Variants in DCBLD2 observed in about 807,000 individuals in gnomAD.
The protein encoded by DCBLD2 is discoidin, CUB and LCCL domain-containing protein 2.
DCBLD2 carries 54 observed loss-of-function variants against 86.8 expected under a neutral mutation model. That is an observed-to-expected ratio of 0.62 (90% CI 0.50 to 0.78). The LOEUF (loss-of-function observed/expected upper bound fraction) is 0.78. Among genes scored for constraint, DCBLD2 ranks in the 30% least tolerant of loss-of-function variants. DCBLD2 has a pLI of 0.00. For missense variants in DCBLD2, 908 were observed against 954.2 expected (o/e 0.95, Z 0.64); for synonymous variants, 354 against 341.3 (o/e 1.04, Z -0.41).
At chr3:98,856,749 G>A (rs906760472) in intron 2 of DCBLD2, among the ~76,000 whole-genome samples, 3 of 151,702 alleles carry the variant, frequency 2.0e-5, no homozygotes, top group African/African-American at 7.3e-5. Flanking sequence ...ATAAGAAAAA[G>A]ACAAAAGTAT....
intron 9 of DCBLD2, 89 bp downstream of exon 9, chr3:98,817,680 C>T: frequency 7.5e-7 from 1 of 1,327,324 alleles, no homozygotes; most frequent in South Asian, 1.3e-5. Flanking sequence ...TTCTAAACTT[C>T]TACATCTCTT....
chr3:98,837,093 G>A (rs1179116053), intron 3 of DCBLD2, among the ~76,000 whole-genome samples: 41 of 8,662 alleles, frequency 4.7e-3, no homozygotes, highest in Non-Finnish European at 5.3e-3. Context: ...CTGGCCGGGC[G>A]GGGGGCCGAC....
intron 2 of DCBLD2, among the ~76,000 whole-genome samples, chr3:98,853,258 G>T (rs1041972643): frequency 3.3e-5 from 5 of 152,180 alleles, no homozygotes; most frequent in Non-Finnish European, 5.9e-5. Flanking sequence ...TTTAAATTAG[G>T]TGTTAAAGTT....
At position 98,822,292 on chromosome 3, in the gene DCBLD2, C is replaced by A. The variant is rs1200923152; in HGVS notation, c.766G>T (p.Val256Phe). The change falls in exon 6 of 16, where the codon GTT becomes TTT. Residue 256 changes from valine (V) to phenylalanine (F), a missense_variant. Coordinates refer to ENST00000326840, the MANE Select transcript of DCBLD2 (RefSeq NM_080927.4). Reference protein sequence around the residue: ...VSNTLGGQISVVISKGIPYYE... With the variant: ...VSNTLGGQISFVISKGIPYYE... ...TAGGGGATACCTTTACTAATTACAA[C>A]ACTGATTTGGCCGCCCAACGTGTTT... is the stretch of plus-strand genomic sequence containing the variant. The A allele has an allele frequency of 6.2e-7, 1 of 1,613,838 alleles. No homozygotes were observed. Among genetic ancestry groups the A allele is most frequent in the Admixed American group, 1.7e-5 (1 of 59,980 alleles).
intron 1 of DCBLD2, among the ~76,000 whole-genome samples, chr3:98,891,874 CT>C (rs1943667469): frequency 6.6e-6 from 1 of 152,084 alleles, no homozygotes; most frequent in Non-Finnish European, 1.5e-5. Flanking sequence ...CCTGGTGTTT[CT>C]CCCTATTTCC....
chr3:98,832,824 C>T (rs928766143), intron 3 of DCBLD2, among the ~76,000 whole-genome samples: 7 of 152,116 alleles, frequency 4.6e-5, no homozygotes, highest in African/African-American at 1.7e-4. Flanking sequence ...GATGGGGTTC[C>T]CTTTGTTGGT....
At chr3:98,873,168 G>A (rs1304410965) in intron 2 of DCBLD2, among the ~76,000 whole-genome samples, 1 of 152,000 alleles carries the variant, frequency 6.6e-6, no homozygotes, top group Non-Finnish European at 1.5e-5. Flanking sequence ...TTAAAATGGA[G>A]ATATTAGAAT....
chr3:98,898,252 A>G (rs905620584), intron 1 of DCBLD2, among the ~76,000 whole-genome samples: 11 of 151,872 alleles, frequency 7.2e-5, no homozygotes, highest in African/African-American at 2.7e-4. Context: ...GGAGCCAAAT[A>G]AAAAGAAAGG....
At chr3:98,898,429 G>GA (rs1253982320) in intron 1 of DCBLD2, among the ~76,000 whole-genome samples, 3 of 148,834 alleles carry the variant, frequency 2.0e-5, no homozygotes, top group African/African-American at 5.0e-5. Context: ...GTCAAATAAA[G>GA]AAAAAAAATC....
chr3:98,829,115 A>G (rs1408069640), intron 3 of DCBLD2, among the ~76,000 whole-genome samples: 2 of 152,210 alleles, frequency 1.3e-5, no homozygotes, highest in Non-Finnish European at 2.9e-5. Context: ...AACTCTAAAT[A>G]CACTGAAAAA....
At chr3:98,838,336 G>A (rs1188442991) in intron 3 of DCBLD2, among the ~76,000 whole-genome samples, 305 of 75,018 alleles carry the variant, frequency 4.1e-3, no homozygotes, top group South Asian at 8.4e-3. Context: ...CAGACGGGGC[G>A]GCCGGGCAGA....
At chr3:98,820,318 TA>T in intron 6 of DCBLD2, 30 bp from the exon 7 acceptor site, 1 of 1,438,742 alleles carries the variant, frequency 7.0e-7, no homozygotes, top group Non-Finnish European at 9.2e-7. Context: ...TTTTTGGTGA[TA>T]CTCACATAAC....
chr3:98,861,358 G>A (rs1487699190), intron 2 of DCBLD2, among the ~76,000 whole-genome samples: 2 of 152,148 alleles, frequency 1.3e-5, no homozygotes, highest in Non-Finnish European at 2.9e-5. Flanking sequence ...ATTGAACTTA[G>A]CTCTGCACCA....
intron 2 of DCBLD2, among the ~76,000 whole-genome samples, chr3:98,869,474 T>C (rs1007520203): frequency 6.6e-6 from 1 of 152,204 alleles, no homozygotes; most frequent in Non-Finnish European, 1.5e-5. Flanking sequence ...TTTTGTTGCA[T>C]TTGCTCTGTC....
chr3:98,880,624 A>C (rs1217574293), intron 2 of DCBLD2, among the ~76,000 whole-genome samples: 1 of 152,174 alleles, frequency 6.6e-6, no homozygotes, highest in Non-Finnish European at 1.5e-5. Context: ...TGCAGCTATA[A>C]TTGAGAACCA....
At chr3:98,855,572 GA>G (rs1008196732) in intron 2 of DCBLD2, among the ~76,000 whole-genome samples, 44 of 152,090 alleles carry the variant, frequency 2.9e-4, no homozygotes, top group African/African-American at 9.9e-4. Context: ...CAAAAGTCAG[GA>G]AAAAAATGTA....
At position 98,822,751 on chromosome 3, in the gene DCBLD2, GA is replaced by G; in HGVS notation, c.624-11del. The G allele has an allele frequency of 6.3e-7, 1 of 1,578,322 alleles. No homozygotes were observed. The highest frequency in any genetic ancestry group is 8.6e-7 in the Non-Finnish European group (1 of 1,162,560). On this transcript the variant is annotated splice_polypyrimidine_tract_variant and intron_variant, in intron 4 of 15. Coordinates refer to ENST00000326840, the MANE Select transcript of DCBLD2 (RefSeq NM_080927.4). ...AGCTGGGCAGTACTTACTGAGAAAT[GA>G]AAACAAGCAAAAGGTTACATAATGC... is the stretch of plus-strand genomic sequence containing the variant.
intron 5 of DCBLD2, 90 bp downstream of exon 5, chr3:98,822,579 G>A: frequency 7.6e-7 from 1 of 1,308,306 alleles, no homozygotes; most frequent in East Asian, 2.6e-5. Context: ...AAAAGATAAG[G>A]ATATATGATT....
In DCBLD2 at chr3:98,881,696, AG is replaced by A; in HGVS notation, c.276del (p.Tyr93IlefsTer13). 1 of 1,613,928 alleles carries A rather than the reference AG, an allele frequency of 6.2e-7. No homozygotes were observed. Among genetic ancestry groups the A allele is most frequent in the Non-Finnish European group, 8.5e-7 (1 of 1,179,872 alleles). ...CATTCACAAACAGTGCTGTTGGGAT[AG>A]GTCTGTGGGTAGTTTATGGATGTAA... ...GTLTSINYPQ[T>X]YPNSTVCEWE... is the part of the protein sequence containing the mutation. On this transcript the variant is annotated frameshift_variant, in exon 2 of 16. Transcript: ENST00000326840. LOFTEE classifies it high-confidence loss of function.
Sources: gnomAD v4.1 joint callset for allele counts (sites outside exome capture counted in the v4.1 genomes callset) on GRCh38, gnomAD v4.1.1 for gene constraint, MANE v1.5 for transcripts, NCBI Gene and HGNC (gene_info 2026-07-23, HGNC 2026-07-21) for gene names.